DDX49: variants seen among roughly 807,000 people sequenced by gnomAD.
DDX49 encodes probable ATP-dependent RNA helicase DDX49.
Under a neutral mutation model 56.3 loss-of-function variants are expected in DDX49, and 50 were observed. That is an observed-to-expected ratio of 0.89 (90% confidence interval 0.71 to 1.12). The LOEUF is 1.12. Among genes scored for constraint, DDX49 ranks in the 50% most tolerant of loss-of-function variants. The probability of loss-of-function intolerance (pLI) is 0.00; values close to 1 mark genes in which losing one functional copy is unlikely to be tolerated. For missense variants in DDX49, 614 were observed against 650.5 expected, an observed-to-expected ratio of 0.94 and a Z score of 0.61; for synonymous variants, 269 against 270.6, an observed-to-expected ratio of 0.99 and a Z score of 0.06.
Position 18,928,332 on chromosome 19 carries a change from C to T in DDX49, c.*16C>T. 3 of 1,505,530 alleles carry T rather than the reference C, an allele frequency of 2.0e-6. No individual in the cohort carries two copies. The highest frequency in any genetic ancestry group is 2.7e-6 in the Non-Finnish European group (3 of 1,128,770). The allele number at this position is 1,505,530 out of a possible 1,614,324, so 93.3% of individuals were successfully genotyped here. ...CCTGGTCTGAGCCCCACACGGCCAT[C>T]TGCCCAGTCCTTGACTCGTCCATGG... On this transcript the variant is annotated 3_prime_UTR_variant, in exon 13 of 13. Transcript: ENST00000247003.
Position 18,924,657 on chromosome 19 carries a change from C to T in DDX49, c.887C>T (p.Ser296Phe). The change falls in exon 8 of 13, where the codon TCC (serine) becomes TTC (phenylalanine). Residue 296 changes from serine (S) to phenylalanine (F), a missense_variant. Transcript: ENST00000247003. ...TTTGCCGCCCTAGCCAAGTTCAAGT[C>T]CAGCATCTACCGGATCCTGATCGCA... is the stretch of plus-strand genomic sequence containing the variant. ...ERFAALAKFK[S>F]SIYRILIATD... 1 of 1,614,218 alleles carries T rather than the reference C, an allele frequency of 6.2e-7. No individual in the cohort carries two copies. The highest frequency in any genetic ancestry group is 8.5e-7 in the Non-Finnish European group (1 of 1,180,040).
intron 10 of DDX49, among the ~76,000 whole-genome samples, chr19:18,926,762 T>C (rs1394073410): frequency 6.6e-6 from 1 of 152,168 alleles, no homozygotes; most frequent in Non-Finnish European, 1.5e-5. Context: ...CTGCATAGAC[T>C]GTCCTGAAAT....
rs564920300 is a variant in DDX49, at chr19:18,922,967, G to A, written c.776+223G>A. Among the ~76,000 whole-genome samples the A allele has an allele frequency of 4.4e-4, 67 of 152,342 alleles. 1 individual carries two copies. Among genetic ancestry groups the A allele is most frequent in the Non-Finnish European group, 6.9e-4 (47 of 68,034 alleles). Reference sequence around the variant, plus strand: ...TTGATGGAAGGGCCAGGAAACCCCTGCAAGCAGCTGTTTGAGCAGCCCATT... The same window carrying A: ...TTGATGGAAGGGCCAGGAAACCCCTACAAGCAGCTGTTTGAGCAGCCCATT... On this transcript the variant is annotated intron_variant, in intron 6 of 12. Transcript: ENST00000247003.
chr19:18,925,267 T>C, intron 9 of DDX49: 1 of 339,468 alleles, frequency 2.9e-6, no homozygotes, highest in Non-Finnish European at 5.4e-6. Context: ...AAAAATAAAA[T>C]AAAATAGGCC....
In DDX49 at chr19:18,927,844, A is replaced by T; in HGVS notation, c.1181A>T (p.Glu394Val). 1 of 1,613,826 alleles carries T rather than the reference A, an allele frequency of 6.2e-7. No individual in the cohort carries two copies. Among genetic ancestry groups the T allele is most frequent in the Non-Finnish European group, 8.5e-7 (1 of 1,179,962 alleles). Residue 394 changes from glutamate to valine, a missense_variant, in exon 11 of 13, where the codon GAG (glutamate) becomes GTG (valine). Transcript: ENST00000247003. ...ACACAGGTCAACGTGGTGCGAAGAG[A>T]GTGTGAGATCGTGAGTGTCAGAGGC... ...ILTQVNVVRR[E>V]CEIKLEAAHF...
Position 18,920,723 on chromosome 19 carries a change from C to G in DDX49, c.239+20C>G. 1 of 1,587,522 alleles carries G rather than the reference C, an allele frequency of 6.3e-7. No homozygotes were observed. Among genetic ancestry groups the G allele is most frequent in the Non-Finnish European group, 8.6e-7 (1 of 1,158,468 alleles). On this transcript the variant is annotated intron_variant, in intron 2 of 12. Coordinates refer to ENST00000247003, the MANE Select transcript of DDX49 (RefSeq NM_019070.5). ...CACCAGGTAAGCCCCCAGCAGGCCT[C>G]CTGGGTATGGGTTAACCAGCTGTGC...
rs78976584 is a variant in DDX49 at position 18,924,969 on chromosome 19, G to A, written c.1017G>A (p.Thr339=). The A allele has an allele frequency of 3.5e-4, 566 of 1,610,876 alleles. 3 individuals carry two copies. The East Asian group carries it at 0.011, about 32-fold the overall frequency. ...PKIYIHRVGR[T]ARAGRQGQAI... Reference sequence around the variant, plus strand: ...TCTACATCCACCGAGTCGGCCGGACGGCCCGTGCAGGTGAGCAGTGGAGGG... The same window carrying A: ...TCTACATCCACCGAGTCGGCCGGACAGCCCGTGCAGGTGAGCAGTGGAGGG... The change falls in exon 9 of 13, where the codon ACG becomes ACA. Residue 339 remains threonine (T), a synonymous_variant. Coordinates refer to ENST00000247003, the MANE Select transcript of DDX49 (RefSeq NM_019070.5).
At chr19:18,920,541 C>T in intron 1 of DDX49, 39 bp from the exon 2 acceptor site, 1 of 1,568,650 alleles carries the variant, frequency 6.4e-7, no homozygotes, top group Non-Finnish European at 8.7e-7. Flanking sequence ...CAGCTGTCCA[C>T]ACATGGAGGG....
Position 18,924,276 on chromosome 19 carries a change from C to T in DDX49, c.820C>T (p.Pro274Ser), listed in dbSNP as rs2056942671. 2 of 1,613,806 alleles carry T rather than the reference C, an allele frequency of 1.2e-6. No individual in the cohort carries two copies. The highest frequency in any genetic ancestry group is 1.3e-5 in the African/African-American group (1 of 74,874). The change falls in exon 7 of 13, where the codon CCC becomes TCC. Residue 274 changes from proline to serine, a missense_variant. Coordinates refer to ENST00000247003, the MANE Select transcript of DDX49 (RefSeq NM_019070.5). ...LCMMLRKFSF[P>S]TVALHSMMKQ... ...CATGATGCTGCGCAAATTCAGCTTCCCCACCGTGGCTCTGCACTCCATGAT... is the reference window on the plus strand; with the variant it reads ...CATGATGCTGCGCAAATTCAGCTTCTCCACCGTGGCTCTGCACTCCATGAT...
At position 18,920,723 on chromosome 19, in the gene DDX49, C is replaced by T. The variant is rs372845789; in HGVS notation, c.239+20C>T. 6.3e-6 allele frequency: 10 copies of T among 1,587,404 alleles called. No individual in the cohort carries two copies. Among genetic ancestry groups the T allele is most frequent in the African/African-American group, 1.3e-5 (1 of 74,544 alleles). On this transcript the variant is annotated intron_variant, in intron 2 of 12. Transcript: ENST00000247003. ...CACCAGGTAAGCCCCCAGCAGGCCT[C>T]CTGGGTATGGGTTAACCAGCTGTGC...
Position 18,919,729 on chromosome 19 carries a change from A to T in DDX49, c.-13A>T. The T allele has an allele frequency of 6.2e-7, 1 of 1,605,612 alleles. No homozygotes were observed. The highest frequency in any genetic ancestry group is 8.5e-7 in the Non-Finnish European group (1 of 1,173,888). On this transcript the variant is annotated 5_prime_UTR_variant, in exon 1 of 13. In the 5' UTR this introduces an upstream ATG that the reference lacks. Transcript: ENST00000247003. ...CGGGCCCCTACAAGGGGCCCCTACAAGCGGCCACAAGGATGGCAGGCTTCG... is the reference window on the plus strand; with the variant it reads ...CGGGCCCCTACAAGGGGCCCCTACATGCGGCCACAAGGATGGCAGGCTTCG...
intron 6 of DDX49, 30 bp downstream of exon 6, chr19:18,922,774 C>T (rs760929072): frequency 7.5e-6 from 12 of 1,602,350 alleles, no homozygotes; most frequent in South Asian, 1.1e-5. Flanking sequence ...CCCCTCCCAC[C>T]GCCCTTCAAA....
chr19:18,928,287 G>A lies in DDX49; in HGVS notation c.1423G>A (p.Gly475Ser), dbSNP rs1413192667. 1 of 1,574,886 alleles carries A rather than the reference G, an allele frequency of 6.3e-7. No individual in the cohort carries two copies. The highest frequency in any genetic ancestry group is 1.8e-5 in the Admixed American group (1 of 54,080). Residue 475 changes from glycine (G) to serine (S), a missense_variant, in exon 13 of 13, where the codon GGC becomes AGC. By Grantham distance (56) the Gly-to-Ser change is moderately conservative. Transcript: ENST00000247003. ...CAGGACACCGTCTGGGTCCCACTCAGGCCCAGTCCCCTCCCAGGGCCTGGT... is the reference window on the plus strand; with the variant it reads ...CAGGACACCGTCTGGGTCCCACTCAAGCCCAGTCCCCTCCCAGGGCCTGGT... Reference protein sequence around the residue: ...PPRTPSGSHSGPVPSQGLV With the variant: ...PPRTPSGSHSSPVPSQGLV
Position 18,920,731 on chromosome 19 carries a change from T to C in DDX49, c.239+28T>C. ...AAGCCCCCAGCAGGCCTCCTGGGTA[T>C]GGGTTAACCAGCTGTGCTCTCTTGG... On this transcript the variant is annotated intron_variant, in intron 2 of 12. Transcript: ENST00000247003. 2.5e-6 allele frequency: 4 copies of C among 1,580,756 alleles called. No homozygotes were observed. In the East Asian group the frequency reaches 9.1e-5, roughly 36 times the overall value.
chr19:18,927,921 G>T (rs199737372), intron 11 of DDX49, 44 bp from the exon 12 acceptor site: 369 of 1,613,808 alleles, frequency 2.3e-4, no homozygotes, highest in Non-Finnish European at 2.1e-5. Flanking sequence ...TTCCAGGTGG[G>T]GCCCCCGTGA....
At chr19:18,922,091 C>A in intron 4 of DDX49, 127 bp downstream of exon 4, 1 of 1,342,514 alleles carries the variant, frequency 7.4e-7, no homozygotes, top group South Asian at 1.4e-5. Context: ...CAGTAAAACG[C>A]TAGGAACAGT....
intron 2 of DDX49, 159 bp downstream of exon 2, chr19:18,920,862 C>T (rs1372956488): frequency 1.5e-6 from 1 of 673,054 alleles, no homozygotes; most frequent in East Asian, 3.2e-5. Flanking sequence ...CAAGATGGCC[C>T]CGGTGCAGTG....
Position 18,924,668 on chromosome 19 carries a change from C to T in DDX49, c.898C>T (p.Arg300Trp), listed in dbSNP as rs749495614. The T allele has an allele frequency of 1.9e-5, 30 of 1,614,112 alleles. No individual in the cohort carries two copies. The East Asian group carries it at 2.9e-4, about 16-fold the overall frequency. Residue 300 changes from arginine to tryptophan, a missense_variant, in exon 8 of 13, where the codon CGG becomes TGG. Coordinates refer to ENST00000247003, the MANE Select transcript of DDX49 (RefSeq NM_019070.5). Reference sequence around the variant, plus strand: ...AGCCAAGTTCAAGTCCAGCATCTACCGGATCCTGATCGCAACAGACGTGGC... The same window carrying T: ...AGCCAAGTTCAAGTCCAGCATCTACTGGATCCTGATCGCAACAGACGTGGC... ...ALAKFKSSIYRILIATDVASR... is the reference protein window; with the variant it reads ...ALAKFKSSIYWILIATDVASR...
intron 10 of DDX49, 59 bp from the exon 11 acceptor site, chr19:18,927,707 C>T: frequency 6.7e-7 from 1 of 1,484,316 alleles, no homozygotes; most frequent in Non-Finnish European, 9.4e-7. Context: ...CTTGGCTGAA[C>T]TCCCTCTCCA....
Sources: gnomAD v4.1 joint callset for allele counts (sites outside exome capture counted in the v4.1 genomes callset) on GRCh38, gnomAD v4.1.1 for gene constraint, MANE v1.5 for transcripts, NCBI Gene and HGNC (gene_info 2026-07-23, HGNC 2026-07-21) for gene names.